MACROD1: variants seen among roughly 807,000 people sequenced by gnomAD.
The protein encoded by MACROD1 is ADP-ribose glycohydrolase MACROD1.
Under a neutral mutation model 41.4 loss-of-function variants are expected in MACROD1, and 31 were observed. That is an observed-to-expected ratio of 0.75 (90% CI 0.56 to 1.01). MACROD1 has a LOEUF of 1.01. Among genes scored for constraint, MACROD1 ranks in the 50% least tolerant of loss-of-function variants. The probability of loss-of-function intolerance (pLI) is 0.00; values close to 1 mark genes in which losing one functional copy is unlikely to be tolerated. For missense variants in MACROD1, 473 were observed against 460.0 expected (o/e 1.03, Z -0.26); for synonymous variants, 252 against 203.4 (o/e 1.24, Z -2.03).
chr11:64,028,358 GC>G (rs547855936), intron 3 of MACROD1, among the ~76,000 whole-genome samples: 8 of 152,218 alleles, frequency 5.3e-5, no homozygotes, highest in African/African-American at 1.2e-4. Flanking sequence ...CTGCCTTAGG[GC>G]CCCCCTGGCC....
chr11:64,065,379 C>T (rs192561170), intron 3 of MACROD1, among the ~76,000 whole-genome samples: 10 of 152,314 alleles, frequency 6.6e-5, no homozygotes, highest in Admixed American at 6.5e-4. Context: ...CAGGTCCTCA[C>T]AGATTTGCCA....
intron 3 of MACROD1, among the ~76,000 whole-genome samples, chr11:64,063,011 G>A (rs539382883): frequency 2.6e-5 from 4 of 152,350 alleles, no homozygotes; most frequent in Admixed American, 6.5e-5. Flanking sequence ...CATCTTCCGA[G>A]CTGTGAGGGA....
intron 3 of MACROD1, among the ~76,000 whole-genome samples, chr11:64,051,903 G>T (rs553211505): frequency 1.3e-5 from 2 of 152,124 alleles, no homozygotes; most frequent in African/African-American, 4.8e-5. Flanking sequence ...TCTCTCGGGG[G>T]CTGCAAGAGA....
At chr11:64,004,283 G>A (rs1942873385) in intron 4 of MACROD1, among the ~76,000 whole-genome samples, 1 of 152,248 alleles carries the variant, frequency 6.6e-6, no homozygotes, top group Admixed American at 6.5e-5. Context: ...GGCACCAGGA[G>A]TGGGCAGTCC....
chr11:63,999,895 G>GC (rs1942790132), intron 5 of MACROD1, 132 bp from the exon 6 acceptor site: 2 of 1,087,682 alleles, frequency 1.8e-6, no homozygotes, highest in East Asian at 2.6e-5. Flanking sequence ...CTCCGCGAAG[G>GC]CCCCCACCCC....
Position 64,001,788 on chromosome 11 carries a change from GCT to G in MACROD1, c.548-1447_548-1446del. 7.1e-6 allele frequency: 5 copies of G among 701,566 alleles called. No homozygotes were observed. The South Asian group carries it at 7.4e-5, about 10-fold the overall frequency. 43.5% of individuals were successfully genotyped at this position (701,566 alleles called of 1,614,324 possible). A position where few individuals can be genotyped will look rare whatever the true frequency, so the allele number is the denominator to read the frequency against. ...GGCAGGGCCCAGAGCGGGCGTCCAG[GCT>G]GGAGCTCCCAGTGCTGGGAAGTGAG... On this transcript the variant is annotated intron_variant, in intron 4 of 10. Coordinates refer to ENST00000255681, the MANE Select transcript of MACROD1 (RefSeq NM_014067.4).
In MACROD1 at chr11:64,036,034, C is replaced by CAG; in HGVS notation, c.518-20754_518-20753insCT. On this transcript the variant is annotated intron_variant, in intron 3 of 10. Transcript: ENST00000255681. The surrounding 1 kb of genome is among the most constrained non-coding windows in gnomAD (Gnocchi z 5.6). ...CGTGCTCTGCCGCGCGCCGGGGGCT[C>CAG]CTCTCCCGGGCCCCCCTGGGCGCCC... 6.6e-6 allele frequency: 1 copy of CAG among 151,412 alleles called. No individual in the cohort carries two copies. 9.4% of individuals were successfully genotyped at this position (151,412 alleles called of 1,614,324 possible).
At chr11:64,052,486 G>C (rs1399181673) in intron 3 of MACROD1, among the ~76,000 whole-genome samples, 1 of 152,186 alleles carries the variant, frequency 6.6e-6, no homozygotes, top group Non-Finnish European at 1.5e-5. Flanking sequence ...CTTGTGGGAA[G>C]GTTTAAATGT....
chr11:64,141,673 C>T (rs987291292), intron 3 of MACROD1, among the ~76,000 whole-genome samples: 10 of 152,212 alleles, frequency 6.6e-5, no homozygotes, highest in Non-Finnish European at 1.0e-4. Context: ...GCTCAGTGCT[C>T]GGGTGGACAG....
At chr11:64,119,366 G>T (rs923249882) in intron 3 of MACROD1, among the ~76,000 whole-genome samples, 1 of 152,126 alleles carries the variant, frequency 6.6e-6, no homozygotes, top group African/African-American at 2.4e-5. Context: ...CCAGCACTGG[G>T]CTGCTCTCCT....
chr11:64,118,072 A>G (rs1357467495), intron 3 of MACROD1: 1 of 1,612,628 alleles, frequency 6.2e-7, no homozygotes, highest in Non-Finnish European at 8.5e-7. Context: ...GACTATATGG[A>G]GTCAGGGACC....
intron 3 of MACROD1, among the ~76,000 whole-genome samples, chr11:64,130,364 T>C (rs1945248048): frequency 6.6e-6 from 1 of 152,200 alleles, no homozygotes; most frequent in South Asian, 2.1e-4. Flanking sequence ...TACCCCTCCA[T>C]GGCTGCTTTC....
chr11:64,018,506 C>G (rs1387687049), intron 3 of MACROD1, among the ~76,000 whole-genome samples: 1 of 152,082 alleles, frequency 6.6e-6, no homozygotes, highest in African/African-American at 2.4e-5. Context: ...CCAGCCAATG[C>G]CAACAGACAG....
At chr11:64,031,255 G>A (rs1174557906) in intron 3 of MACROD1, among the ~76,000 whole-genome samples, 1 of 152,036 alleles carries the variant, frequency 6.6e-6, no homozygotes. Context: ...CTGCTCCTTG[G>A]GGCACCCTCT....
intron 3 of MACROD1, among the ~76,000 whole-genome samples, chr11:64,133,732 G>A (rs947472127): frequency 3.3e-5 from 5 of 152,340 alleles, no homozygotes; most frequent in East Asian, 3.9e-4. Flanking sequence ...CCTGGGATCC[G>A]GTCATGACGG....
chr11:64,049,802 G>A (rs1414249072), intron 3 of MACROD1, among the ~76,000 whole-genome samples: 1 of 152,190 alleles, frequency 6.6e-6, no homozygotes, highest in Admixed American at 6.5e-5. Flanking sequence ...CACAAGTGAA[G>A]TCGTCTCTGC....
intron 3 of MACROD1, among the ~76,000 whole-genome samples, chr11:64,063,858 C>T (rs1456636908): frequency 1.3e-5 from 2 of 152,234 alleles, no homozygotes; most frequent in Non-Finnish European, 2.9e-5. Context: ...CAATGCCTCC[C>T]GCTTTCTCCC....
At chr11:64,140,133 C>A (rs1945391227) in intron 3 of MACROD1, among the ~76,000 whole-genome samples, 2 of 152,190 alleles carry the variant, frequency 1.3e-5, no homozygotes, top group African/African-American at 2.4e-5. Flanking sequence ...TCTTCTCTGG[C>A]AGCTTAGGCC....
At chr11:64,042,224 C>T (rs1482980772) in intron 3 of MACROD1, among the ~76,000 whole-genome samples, 1 of 152,210 alleles carries the variant, frequency 6.6e-6, no homozygotes, top group Non-Finnish European at 1.5e-5. Flanking sequence ...CCTTCCTCTC[C>T]TGTCTTCCCT....
Sources: allele counts gnomAD v4.1 joint callset (sites outside exome capture counted in the v4.1 genomes callset), GRCh38; gene constraint gnomAD v4.1.1; non-coding constraint Gnocchi (gnomAD v3.1); transcripts MANE v1.5; gene names NCBI Gene and HGNC (gene_info 2026-07-23, HGNC 2026-07-21).